CCBE1: variants seen among roughly 807,000 people sequenced by gnomAD.
CCBE1 encodes the protein collagen and calcium-binding EGF domain-containing protein 1.
In CCBE1, 37 loss-of-function variants were observed where a neutral mutation model predicts 50.0. That is an observed-to-expected ratio of 0.74 (90% confidence interval 0.57 to 0.97). The LOEUF is 0.97. CCBE1 is among the 50% of genes least tolerant of loss of function. The pLI is 0.00. For missense variants in CCBE1, 538 were observed against 523.8 expected, an observed-to-expected ratio of 1.03 and a Z score of -0.26; for synonymous variants, 234 against 203.7, an observed-to-expected ratio of 1.15 and a Z score of -1.27.
chr18:59,568,911 T>C lies in CCBE1; in HGVS notation c.213-88673A>G, dbSNP rs559569801. On this transcript the variant is annotated intron_variant, in intron 2 of 10. Transcript: ENST00000439986. ...CATGAGTTCTCTCTATCCAGGGACA[T>C]CTTGCCAACTAAACCTCCCACCTGC... Among the ~76,000 whole-genome samples, 12 of 152,332 alleles carry C rather than the reference T, an allele frequency of 7.9e-5. No individual in the cohort carries two copies. In the South Asian group the frequency reaches 2.5e-3, roughly 32 times the overall value.
chr18:59,447,147 G>T (rs955925935), intron 7 of CCBE1, among the ~76,000 whole-genome samples: 1 of 152,084 alleles, frequency 6.6e-6, no homozygotes, highest in African/African-American at 2.4e-5. Context: ...TATACTGAAT[G>T]AAAGAAGCTG....
chr18:59,462,404 GTTTCT>G (rs988204296), intron 5 of CCBE1: 14 of 151,948 alleles, frequency 9.2e-5, no homozygotes, highest in African/African-American at 2.2e-4. Context: ...TTTAATCAAA[GTTTCT>G]TTTCTTTTTT....
intron 2 of CCBE1, among the ~76,000 whole-genome samples, chr18:59,562,966 T>C (rs2052763319): frequency 6.6e-6 from 1 of 152,256 alleles, no homozygotes; most frequent in African/African-American, 2.4e-5. Context: ...CTCTTCCATA[T>C]AAGTCACGGA....
At chr18:59,584,630 C>A (rs12150746) in intron 2 of CCBE1, among the ~76,000 whole-genome samples, 7,825 of 152,052 alleles carry the variant, frequency 0.051, 564 homozygotes, top group African/African-American at 0.16. Flanking sequence ...AGAGTTCTTG[C>A]GAGATCTGGT....
Position 59,454,531 on chromosome 18 carries a change from T to A in CCBE1, c.654+320A>T, listed in dbSNP as rs1911088018. Among the ~76,000 whole-genome samples, 4 of 152,070 alleles carry A rather than the reference T, an allele frequency of 2.6e-5. No homozygotes were observed. In the South Asian group the frequency reaches 8.3e-4, roughly 32 times the overall value. ...AAAGTGCTAGGATTACAGGCGTGAG[T>A]CACCGCACCCGGCTGGAAATTTATT... On this transcript the variant is annotated intron_variant, in intron 6 of 10. Coordinates refer to ENST00000439986, the MANE Select transcript of CCBE1 (RefSeq NM_133459.4).
intron 2 of CCBE1, among the ~76,000 whole-genome samples, chr18:59,494,958 A>C (rs1300603471): frequency 6.6e-6 from 1 of 152,174 alleles, no homozygotes; most frequent in Non-Finnish European, 1.5e-5. Flanking sequence ...GTCTGAGACC[A>C]GCCTGGCCAA....
chr18:59,463,902 C>T (rs1417757584), intron 5 of CCBE1: 1 of 152,228 alleles, frequency 6.6e-6, no homozygotes, highest in East Asian at 1.9e-4. Context: ...GGCTACCTGG[C>T]TCAGAGCATA....
intron 2 of CCBE1, among the ~76,000 whole-genome samples, chr18:59,490,370 G>T (rs1054425475): frequency 1.4e-5 from 2 of 146,922 alleles, no homozygotes; most frequent in Non-Finnish European, 3.0e-5. Flanking sequence ...ATGCAGGTGC[G>T]AGACAGGATA....
intron 2 of CCBE1, among the ~76,000 whole-genome samples, chr18:59,673,314 G>T (rs571720611): frequency 1.3e-5 from 2 of 152,162 alleles, no homozygotes. Flanking sequence ...AGCTGGGTGT[G>T]GTGGCAGACA....
At chr18:59,608,402 G>C (rs1330433523) in intron 2 of CCBE1, among the ~76,000 whole-genome samples, 1 of 152,174 alleles carries the variant, frequency 6.6e-6, no homozygotes, top group East Asian at 1.9e-4. Context: ...TTGGGCCAAA[G>C]TGTTGATGCA....
chr18:59,508,636 C>T (rs1476373444), intron 2 of CCBE1, among the ~76,000 whole-genome samples: 1 of 151,294 alleles, frequency 6.6e-6, no homozygotes, highest in Non-Finnish European at 1.5e-5. Flanking sequence ...AGAAACTACC[C>T]CATAATGTTC....
chr18:59,574,290 T>G (rs2052958903), intron 2 of CCBE1, among the ~76,000 whole-genome samples: 1 of 152,230 alleles, frequency 6.6e-6, no homozygotes, highest in East Asian at 1.9e-4. Context: ...GCCCAAAAAG[T>G]GTCTTTAGTT....
chr18:59,667,222 CTG>C (rs1217141804), intron 2 of CCBE1, among the ~76,000 whole-genome samples: 2 of 152,186 alleles, frequency 1.3e-5, no homozygotes, highest in Non-Finnish European at 2.9e-5. Context: ...TGAGCCATGA[CTG>C]TGCCATTGCA....
At chr18:59,495,723 A>G (rs1380731575) in intron 2 of CCBE1, among the ~76,000 whole-genome samples, 2 of 151,456 alleles carry the variant, frequency 1.3e-5, no homozygotes, top group Non-Finnish European at 2.9e-5. Flanking sequence ...TGACCCTCTG[A>G]CCCTCTGATG....
At chr18:59,478,574 T>C (rs1258955330) in intron 3 of CCBE1, among the ~76,000 whole-genome samples, 3 of 152,244 alleles carry the variant, frequency 2.0e-5, no homozygotes, top group Admixed American at 1.3e-4. Flanking sequence ...ATGTTAATTA[T>C]AGGTGCTGTA....
rs181024653 is a variant in CCBE1 at position 59,462,903 on chromosome 18, G to A, written c.553+3836C>T. ...GGTGGAGATAAAATATGCCTTTAACGCAAATAATACTAGAGAAGATACCAA... is the reference window on the plus strand; with the variant it reads ...GGTGGAGATAAAATATGCCTTTAACACAAATAATACTAGAGAAGATACCAA... On this transcript the variant is annotated intron_variant, in intron 5 of 10. Transcript: ENST00000439986. Among the ~76,000 whole-genome samples, 23 of 152,220 alleles carry A rather than the reference G, an allele frequency of 1.5e-4. 1 individual carries two copies. The East Asian group carries it at 1.9e-3, about 13-fold the overall frequency.
chr18:59,504,590 G>C (rs1439139460), intron 2 of CCBE1, among the ~76,000 whole-genome samples: 1 of 152,054 alleles, frequency 6.6e-6, no homozygotes, highest in Non-Finnish European at 1.5e-5. Flanking sequence ...ATAAAGATGG[G>C]GGCAGAGATC....
At chr18:59,609,389 T>A (rs1457117292) in intron 2 of CCBE1, among the ~76,000 whole-genome samples, 1 of 152,220 alleles carries the variant, frequency 6.6e-6, no homozygotes, top group Non-Finnish European at 1.5e-5. Flanking sequence ...TCTGTAATTA[T>A]CTTAACATCC....
At chr18:59,491,022 C>T (rs1031487693) in intron 2 of CCBE1, among the ~76,000 whole-genome samples, 23 of 152,108 alleles carry the variant, frequency 1.5e-4, no homozygotes, top group Non-Finnish European at 2.1e-4. Context: ...TGGTTCACTG[C>T]GAACAGTAAC....
Sources: allele counts gnomAD v4.1 joint callset (sites outside exome capture counted in the v4.1 genomes callset), GRCh38; gene constraint gnomAD v4.1.1; transcripts MANE v1.5; gene names NCBI Gene and HGNC (gene_info 2026-07-23, HGNC 2026-07-21).